HSPA12A: variants seen among roughly 807,000 people sequenced by gnomAD.
HSPA12A encodes heat shock protein family A (Hsp70) member 12A.
A neutral mutation model predicts 69.2 loss-of-function variants in HSPA12A; 28 were observed. The ratio of observed to expected loss-of-function variants is 0.40; its 90% confidence interval spans 0.30 to 0.55. The LOEUF (loss-of-function observed/expected upper bound fraction) is 0.55, where lower values mean the gene tolerates loss of function less well. Ranked by LOEUF, HSPA12A falls within the 20% of genes least tolerant of loss-of-function variation. HSPA12A has a pLI of 0.38. For synonymous variants in HSPA12A, 345 were observed against 370.5 expected (o/e 0.93, Z 0.79); for missense variants, 686 against 900.7 (o/e 0.76, Z 3.05).
At position 116,815,124 on chromosome 10, in the gene HSPA12A, T is replaced by C. The variant is rs1589722339; in HGVS notation, c.91+19811A>G. Among the ~76,000 whole-genome samples, 4 of 151,890 alleles carry C rather than the reference T, an allele frequency of 2.6e-5. No homozygotes were observed. In the South Asian group the frequency reaches 6.3e-4, roughly 24 times the overall value. Reference sequence around the variant, plus strand: ...ATTTTTTTTTTTAATTAGCACCAGCTCTTTTCTTATTTCTGAGATATCTTT... The same window carrying C: ...ATTTTTTTTTTTAATTAGCACCAGCCCTTTTCTTATTTCTGAGATATCTTT... On this transcript the variant is annotated intron_variant, in intron 2 of 12. Transcript: ENST00000635765.
chr10:116,795,826 T>C (rs886196506), intron 2 of HSPA12A, among the ~76,000 whole-genome samples: 1 of 150,722 alleles, frequency 6.6e-6, no homozygotes, highest in Non-Finnish European at 1.5e-5. Context: ...AAAATGGAAA[T>C]AATATTTCCT....
In HSPA12A at chr10:116,671,332, T is replaced by C. The variant is rs188200541; in HGVS notation, c.*3449A>G. On this transcript the variant is annotated 3_prime_UTR_variant, in exon 12 of 12. Transcript: ENST00000369209. Reference sequence around the variant, plus strand: ...GTGAATGAGACCCCAGTAGCTGATATTTTAGAATACTGGTCCATATTTCAA... The same window carrying C: ...GTGAATGAGACCCCAGTAGCTGATACTTTAGAATACTGGTCCATATTTCAA... 1 of 152,326 alleles carries C rather than the reference T, an allele frequency of 6.6e-6. No homozygotes were observed. The highest frequency in any genetic ancestry group is 2.4e-5 in the African/African-American group (1 of 41,580). The allele number at this position is 152,326 out of a possible 1,614,324, so 9.4% of individuals were successfully genotyped here.
At chr10:116,829,104 C>A (rs1413162973) in intron 2 of HSPA12A, 1 of 152,186 alleles carries the variant, frequency 6.6e-6, no homozygotes, top group Non-Finnish European at 1.5e-5. Flanking sequence ...TAATAACCCC[C>A]ACGTGTCAAG....
chr10:116,817,179 T>G (rs1489054713), intron 2 of HSPA12A, among the ~76,000 whole-genome samples: 1 of 151,852 alleles, frequency 6.6e-6, no homozygotes, highest in Non-Finnish European at 1.5e-5. Context: ...CCATTTGCTG[T>G]TTTTTTTCCC....
chr10:116,676,300 G>A, intron 11 of HSPA12A, 99 bp downstream of exon 11: 1 of 1,022,898 alleles, frequency 9.8e-7, no homozygotes, highest in East Asian at 2.4e-5. Context: ...CCAGATCCAG[G>A]CCAACCTGAC....
At chr10:116,691,093 T>C (rs1554880108) in intron 6 of HSPA12A, among the ~76,000 whole-genome samples, 1 of 152,170 alleles carries the variant, frequency 6.6e-6, no homozygotes, top group African/African-American at 2.4e-5. Context: ...GCTTGCCTCT[T>C]TCTGGAGCTT....
At chr10:116,715,467 C>T (rs1850577065) in intron 1 of HSPA12A, among the ~76,000 whole-genome samples, 1 of 152,188 alleles carries the variant, frequency 6.6e-6, no homozygotes, top group South Asian at 2.1e-4. Flanking sequence ...TAAAAGAGCC[C>T]TTGTCCTCTA....
At chr10:116,678,034 C>T (rs1849290168) in intron 10 of HSPA12A, among the ~76,000 whole-genome samples, 1 of 151,392 alleles carries the variant, frequency 6.6e-6, no homozygotes, top group Non-Finnish European at 1.5e-5. Context: ...ACCTATTTAT[C>T]CTGTCTTCCC....
intron 2 of HSPA12A, among the ~76,000 whole-genome samples, chr10:116,757,083 T>C (rs1843866795): frequency 6.6e-6 from 1 of 152,158 alleles, no homozygotes; most frequent in African/African-American, 2.4e-5. Context: ...ATAACTTGTT[T>C]AAGGATGGTC....
At chr10:116,698,142 T>A (rs1311193831) in intron 5 of HSPA12A, 1 of 152,670 alleles carries the variant, frequency 6.6e-6, no homozygotes, top group Non-Finnish European at 1.5e-5. Context: ...TTTTTTCCGA[T>A]TTTCGTCGTT....
intron 2 of HSPA12A, among the ~76,000 whole-genome samples, chr10:116,779,219 A>C (rs1844408668): frequency 6.6e-6 from 1 of 152,200 alleles, no homozygotes; most frequent in African/African-American, 2.4e-5. Context: ...ATGTGGGTGT[A>C]ATGAGTCACT....
At chr10:116,713,010 A>ATATATG (rs1850487422) in intron 1 of HSPA12A, among the ~76,000 whole-genome samples, 1 of 116,848 alleles carries the variant, frequency 8.6e-6, no homozygotes, top group South Asian at 2.7e-4. Flanking sequence ...ATATATATAT[A>ATATATG]TTTGCATTTC....
chr10:116,730,295 C>T (rs1172949276), intron 1 of HSPA12A, among the ~76,000 whole-genome samples: 1 of 152,224 alleles, frequency 6.6e-6, no homozygotes, highest in African/African-American at 2.4e-5. Flanking sequence ...CCGTGAAGTG[C>T]TGTGACCCAT....
chr10:116,810,913 A>T (rs955295801), intron 2 of HSPA12A, among the ~76,000 whole-genome samples: 1 of 152,356 alleles, frequency 6.6e-6, no homozygotes, highest in African/African-American at 2.4e-5. Flanking sequence ...TTTAAGACAC[A>T]TTCATGAAAA....
intron 1 of HSPA12A, among the ~76,000 whole-genome samples, chr10:116,740,676 CT>C (rs1851468569): frequency 1.3e-4 from 12 of 92,222 alleles, no homozygotes; most frequent in African/African-American, 3.8e-4. Context: ...GTGTGTGTGT[CT>C]GTGTGTGTGT....
intron 9 of HSPA12A, 38 bp from the exon 10 acceptor site, chr10:116,679,799 A>C (rs1554878335): frequency 1.3e-6 from 2 of 1,599,582 alleles, no homozygotes; most frequent in East Asian, 4.5e-5. Flanking sequence ...TGGTGTTAAA[A>C]ACCATTAGAA....
chr10:116,800,253 G>C (rs2133166522), intron 2 of HSPA12A, among the ~76,000 whole-genome samples: 1 of 152,308 alleles, frequency 6.6e-6, no homozygotes, highest in Non-Finnish European at 1.5e-5. Context: ...AAAGCCTTCT[G>C]TGGTGGCCCC....
chr10:116,773,122 TC>T (rs1362460539), intron 2 of HSPA12A, among the ~76,000 whole-genome samples: 1 of 152,096 alleles, frequency 6.6e-6, no homozygotes, highest in African/African-American at 2.4e-5. Flanking sequence ...TCCCGTTGAC[TC>T]CCCCTGGGCC....
intron 2 of HSPA12A, among the ~76,000 whole-genome samples, chr10:116,796,399 C>T (rs1384082880): frequency 3.3e-5 from 5 of 152,070 alleles, no homozygotes; most frequent in African/African-American, 1.2e-4. Flanking sequence ...AACGGGTCTT[C>T]GGGTCTTTGC....
Sources: allele counts gnomAD v4.1 joint callset (sites outside exome capture counted in the v4.1 genomes callset), GRCh38; gene constraint gnomAD v4.1.1; transcripts MANE v1.5; gene names NCBI Gene and HGNC (gene_info 2026-07-23, HGNC 2026-07-21).